PPP1R12B: variants seen among roughly 807,000 people sequenced by gnomAD.
PPP1R12B encodes the protein protein phosphatase 1 regulatory subunit 12B.
In PPP1R12B, 76 loss-of-function variants were observed where a neutral mutation model predicts 126.1. The observed-to-expected ratio is 0.60, with a 90% CI of 0.50 to 0.73. PPP1R12B has a LOEUF of 0.73. Among genes scored for constraint, PPP1R12B ranks in the 30% least tolerant of loss-of-function variants. PPP1R12B has a pLI of 0.00. For missense variants in PPP1R12B, 1,052 were observed against 1,205.1 expected (o/e 0.87, Z 1.88); for synonymous variants, 356 against 434.7 (o/e 0.82, Z 2.25).
At chr1:202,477,039 T>C (rs745591515) in intron 13 of PPP1R12B, among the ~76,000 whole-genome samples, 17 of 152,326 alleles carry the variant, frequency 1.1e-4, no homozygotes, top group Non-Finnish European at 2.5e-4. Flanking sequence ...CCAAATGAGT[T>C]AGCCATACCT....
At chr1:202,439,605 G>A (rs1234271433) in intron 10 of PPP1R12B, 9 of 1,050,802 alleles carry the variant, frequency 8.6e-6, no homozygotes, top group Non-Finnish European at 1.3e-5. Context: ...GTACACCATG[G>A]ACCCTGCCCT....
At position 202,393,421 on chromosome 1, in the gene PPP1R12B, TTTAAAAA is replaced by T. The variant is rs538124235; in HGVS notation, c.292-23362_292-23356del. 3.7e-3 allele frequency among the ~76,000 whole-genome samples: 563 copies of T among 151,734 alleles called. 3 individuals are homozygous for T. Among genetic ancestry groups the T allele is most frequent in the Non-Finnish European group, 4.5e-3 (304 of 67,880 alleles). On this transcript the variant is annotated intron_variant, in intron 1 of 23. Coordinates refer to ENST00000608999, the MANE Select transcript of PPP1R12B (RefSeq NM_002481.4). Reference sequence around the variant, plus strand: ...TTTTTTTTCAGTTCTTTAACAGAAATTTAAAAATTAGTTCTTTTTTTTTTCCTTGAAC... The same window carrying T: ...TTTTTTTTCAGTTCTTTAACAGAAATTTAGTTCTTTTTTTTTTCCTTGAAC...
chr1:202,436,119 G>T (rs572949016), intron 9 of PPP1R12B, among the ~76,000 whole-genome samples: 82 of 152,092 alleles, frequency 5.4e-4, no homozygotes, highest in African/African-American at 1.8e-3. Flanking sequence ...CATTAGCCAG[G>T]CATGGTGGCA....
intron 13 of PPP1R12B, among the ~76,000 whole-genome samples, chr1:202,485,276 G>C (rs1282212102): frequency 4.6e-5 from 7 of 152,136 alleles, no homozygotes; most frequent in African/African-American, 1.7e-4. Context: ...AGGTGCCTGT[G>C]TGAACATGAT....
At chr1:202,459,484 T>C (rs562020595) in intron 13 of PPP1R12B, among the ~76,000 whole-genome samples, 1 of 152,332 alleles carries the variant, frequency 6.6e-6, no homozygotes, top group Non-Finnish European at 1.5e-5. Flanking sequence ...TGTAAAACAG[T>C]TTATTCCTTT....
chr1:202,567,951 T>C (rs966955288), intron 22 of PPP1R12B, 120 bp downstream of exon 22: 4 of 1,172,452 alleles, frequency 3.4e-6, no homozygotes, highest in Admixed American at 2.2e-5. Flanking sequence ...TTCTGCCACA[T>C]TCCATTCCCA....
At chr1:202,504,313 A>T (rs1444126559) in intron 18 of PPP1R12B, among the ~76,000 whole-genome samples, 1 of 152,106 alleles carries the variant, frequency 6.6e-6, no homozygotes, top group Non-Finnish European at 1.5e-5. Flanking sequence ...GAATCGCTTG[A>T]ACCCGGGAGG....
chr1:202,434,843 G>A, intron 9 of PPP1R12B, 75 bp downstream of exon 9: 2 of 1,568,776 alleles, frequency 1.3e-6, no homozygotes, highest in Non-Finnish European at 1.7e-6. Flanking sequence ...AGGCCTTAAA[G>A]GTACATTCTT....
intron 18 of PPP1R12B, among the ~76,000 whole-genome samples, chr1:202,509,191 G>A (rs148754661): frequency 2.1e-4 from 21 of 100,808 alleles, no homozygotes; most frequent in African/African-American, 7.2e-4. Context: ...TGATAACTCA[G>A]CATTGTGCCA....
chr1:202,569,045 A>G (rs886150583), intron 22 of PPP1R12B, 102 bp from the exon 23 acceptor site: 21 of 1,324,434 alleles, frequency 1.6e-5, no homozygotes, highest in Non-Finnish European at 1.9e-5. Context: ...CAGCAGACAA[A>G]CCTTTGACCG....
intron 13 of PPP1R12B, among the ~76,000 whole-genome samples, chr1:202,482,105 A>G (rs1225679074): frequency 6.6e-6 from 1 of 151,830 alleles, no homozygotes. Flanking sequence ...ATACTGTTCC[A>G]TTCTGGATAT....
chr1:202,368,764 A>T (rs922007433), intron 1 of PPP1R12B, among the ~76,000 whole-genome samples: 5 of 151,950 alleles, frequency 3.3e-5, no homozygotes, highest in African/African-American at 9.7e-5. Flanking sequence ...ATGGGGTCTT[A>T]CTGTGTCACA....
chr1:202,362,217 T>C lies in PPP1R12B; in HGVS notation c.291+13075T>C, dbSNP rs148578006. On this transcript the variant is annotated intron_variant, in intron 1 of 23. Transcript: ENST00000608999. ...TGTGTTTGGGTCCTGTGGATGCAGC[T>C]TCACTGTTTTGTAATTATTCCTCTT... Among the ~76,000 whole-genome samples, 754 of 152,290 alleles carry C rather than the reference T, an allele frequency of 5.0e-3. 12 individuals carry two copies. Among genetic ancestry groups the C allele is most frequent in the Non-Finnish European group, 7.1e-3 (484 of 68,026 alleles).
chr1:202,583,214 T>C lies in PPP1R12B; in HGVS notation c.*2654T>C, dbSNP rs1032179581. On this transcript the variant is annotated 3_prime_UTR_variant, in exon 24 of 24. Transcript: ENST00000608999. ...ATACTTCTTTCTCAAGAAAAGAAAATTGGATTATTAGGAATACATCTTGAC... is the reference window on the plus strand; with the variant it reads ...ATACTTCTTTCTCAAGAAAAGAAAACTGGATTATTAGGAATACATCTTGAC... The C allele has an allele frequency of 2.6e-5, 4 of 152,254 alleles. No individual in the cohort carries two copies. Among genetic ancestry groups the C allele is most frequent in the African/African-American group, 9.6e-5 (4 of 41,534 alleles). The allele number at this position is 152,254 out of a possible 1,614,324, so 9.4% of individuals were successfully genotyped here. A position where few individuals can be genotyped will look rare whatever the true frequency, so the allele number is the denominator to read the frequency against.
At chr1:202,461,658 A>G (rs1026377699) in intron 13 of PPP1R12B, among the ~76,000 whole-genome samples, 1 of 152,088 alleles carries the variant, frequency 6.6e-6, no homozygotes, top group African/African-American at 2.4e-5. Flanking sequence ...AGGAGACTTA[A>G]TTTTTAAATT....
chr1:202,510,419 TAAA>T (rs1209782164), intron 18 of PPP1R12B, among the ~76,000 whole-genome samples: 1 of 152,208 alleles, frequency 6.6e-6, no homozygotes, highest in Non-Finnish European at 1.5e-5. Context: ...ATCTATATTG[TAAA>T]GGTCTTCCAA....
chr1:202,356,056 A>T (rs931609354), intron 1 of PPP1R12B, among the ~76,000 whole-genome samples: 2 of 152,018 alleles, frequency 1.3e-5, no homozygotes, highest in African/African-American at 4.8e-5. Context: ...TGGTGCAAAC[A>T]TGTGGTCCCA....
intron 1 of PPP1R12B, among the ~76,000 whole-genome samples, chr1:202,400,844 T>TC (rs1358191743): frequency 1.1e-4 from 16 of 152,220 alleles, no homozygotes; most frequent in African/African-American, 3.9e-4. Flanking sequence ...GCTATTAAGT[T>TC]CCACAGCTGA....
At position 202,434,670 on chromosome 1, in the gene PPP1R12B, G is replaced by A; in HGVS notation, c.1156G>A (p.Ala386Thr). Residue 386 changes from alanine (A) to threonine (T), a missense_variant, in exon 9 of 24, where the codon GCC (alanine) becomes ACC (threonine). Transcript: ENST00000608999. ...TTAAATAACAGATAAAAAGCCAGAA[G>A]CCTTTGTCAATCATTCCAACTCTGA... ...TEKEADKKPE[A>T]FVNHSNSESK... 1 of 1,611,746 alleles carries A rather than the reference G, an allele frequency of 6.2e-7. No individual in the cohort carries two copies. Among genetic ancestry groups the A allele is most frequent in the Non-Finnish European group, 8.5e-7 (1 of 1,179,448 alleles).
Sources: allele counts gnomAD v4.1 joint callset (sites outside exome capture counted in the v4.1 genomes callset), GRCh38; gene constraint gnomAD v4.1.1; transcripts MANE v1.5; gene names NCBI Gene and HGNC (gene_info 2026-07-23, HGNC 2026-07-21).